The following CACNA2D2 variants were observed in gnomAD, a reference collection of about 807,000 sequenced individuals.
CACNA2D2 encodes the protein voltage-dependent calcium channel subunit alpha-2/delta-2.
In CACNA2D2, 48 loss-of-function variants were observed where a neutral mutation model predicts 166.4. The ratio of observed to expected loss-of-function variants is 0.29; its 90% confidence interval spans 0.23 to 0.37. The LOEUF is 0.37. CACNA2D2 is among the 10% of genes least tolerant of loss of function. CACNA2D2 has a pLI of 1.00. For synonymous variants in CACNA2D2, 561 were observed against 573.7 expected (o/e 0.98, Z 0.32); for missense variants, 1,122 against 1,433.0 (o/e 0.78, Z 3.50).
intron 2 of CACNA2D2, among the ~76,000 whole-genome samples, chr3:50,457,363 A>T (rs1319396714): frequency 6.6e-6 from 1 of 152,226 alleles, no homozygotes; most frequent in Non-Finnish European, 1.5e-5. Flanking sequence ...GTTGGAACTG[A>T]GGCTTCCTTT....
rs144477757 is a variant in CACNA2D2, at chr3:50,465,639, A to T, written c.288+10479T>A. ...TGCTGATGGGGAGGCGCACAGGGCTATGGGAGCTGGGGAGCATGGGGGACC... is the reference window on the plus strand; with the variant it reads ...TGCTGATGGGGAGGCGCACAGGGCTTTGGGAGCTGGGGAGCATGGGGGACC... On this transcript the variant is annotated intron_variant, in intron 2 of 37. Transcript: ENST00000424201. 7.6e-4 allele frequency among the ~76,000 whole-genome samples: 116 copies of T among 152,290 alleles called. 1 individual carries two copies. The Middle Eastern group carries it at 0.02, about 27-fold the overall frequency.
chr3:50,412,996 C>G (rs1344583944), intron 3 of CACNA2D2, among the ~76,000 whole-genome samples: 1 of 152,184 alleles, frequency 6.6e-6, no homozygotes, highest in Non-Finnish European at 1.5e-5. Flanking sequence ...TCTCCATCTT[C>G]CCTCACCTGG....
intron 2 of CACNA2D2, among the ~76,000 whole-genome samples, chr3:50,450,366 C>G (rs1178044328): frequency 6.6e-6 from 1 of 150,490 alleles, no homozygotes; most frequent in Non-Finnish European, 1.5e-5. Flanking sequence ...GCCCCCGCCC[C>G]GTGTAAACAG....
chr3:50,376,776 C>A lies in CACNA2D2; in HGVS notation c.1627-588G>T, dbSNP rs911138564. On this transcript the variant is annotated intron_variant, in intron 17 of 37. Transcript: ENST00000424201. The surrounding 1 kb of genome is among the most constrained non-coding windows in gnomAD (Gnocchi z 4.3). ...AGCAGAGGCTTCAGGGGGGCTCAGG[C>A]TTAATGATGCTGTTGTACATACCAC... Among the ~76,000 whole-genome samples the A allele has an allele frequency of 6.6e-6, 1 of 152,210 alleles. No homozygotes were observed. Among genetic ancestry groups the A allele is most frequent in the Non-Finnish European group, 1.5e-5 (1 of 68,026 alleles).
chr3:50,481,630 C>A (rs1575759365), intron 1 of CACNA2D2, among the ~76,000 whole-genome samples: 1 of 152,070 alleles, frequency 6.6e-6, no homozygotes, highest in Non-Finnish European at 1.5e-5. Context: ...AATGGCGGGG[C>A]CCCACGTCTC....
intron 2 of CACNA2D2, among the ~76,000 whole-genome samples, chr3:50,457,490 C>A (rs1486006945): frequency 6.6e-6 from 1 of 152,204 alleles, no homozygotes; most frequent in Non-Finnish European, 1.5e-5. Context: ...CACCCTCTCT[C>A]AGGGGCCAAT....
At chr3:50,489,924 T>C (rs186705612) in intron 1 of CACNA2D2, among the ~76,000 whole-genome samples, 9 of 148,830 alleles carry the variant, frequency 6.0e-5, no homozygotes, top group African/African-American at 1.6e-4. Context: ...CTTCACTGTT[T>C]ATCTCCCCCA....
rs1199705569 is a variant in CACNA2D2, at chr3:50,375,746, A to G, written c.1846-41T>C. 2 of 1,612,856 alleles carry G rather than the reference A, an allele frequency of 1.2e-6. No homozygotes were observed. Among genetic ancestry groups the G allele is most frequent in the East Asian group, 4.5e-5 (2 of 44,900 alleles). ...GGGTCAGGTACTTGGGCTAGCAGGCAGGGGGCGCTGGGGTAGAAGGGTGCC... is the reference window on the plus strand; with the variant it reads ...GGGTCAGGTACTTGGGCTAGCAGGCGGGGGGCGCTGGGGTAGAAGGGTGCC... On this transcript the variant is annotated intron_variant, in intron 20 of 37. Coordinates refer to ENST00000424201, the MANE Select transcript of CACNA2D2 (RefSeq NM_006030.4). The surrounding 1 kb of genome is among the most constrained non-coding windows in gnomAD (Gnocchi z 4.0).
At chr3:50,420,624 G>A (rs912476827) in intron 3 of CACNA2D2, among the ~76,000 whole-genome samples, 1 of 152,176 alleles carries the variant, frequency 6.6e-6, no homozygotes, top group Middle Eastern at 3.2e-3. Context: ...AGGGTGGAGA[G>A]TGGGAGGGTG....
chr3:50,372,793 C>T, intron 22 of CACNA2D2, among the ~76,000 whole-genome samples: 1 of 151,858 alleles, frequency 6.6e-6, no homozygotes, highest in South Asian at 2.1e-4. Flanking sequence ...AGGGGCCTCC[C>T]CAGAGAGAGT....
At chr3:50,431,542 C>T (rs1708064730) in intron 3 of CACNA2D2, among the ~76,000 whole-genome samples, 1 of 152,180 alleles carries the variant, frequency 6.6e-6, no homozygotes, top group Admixed American at 6.5e-5. Flanking sequence ...TGATGCATGG[C>T]ACCTCTGAGT....
rs1426245010 is a variant in CACNA2D2, at chr3:50,427,198, T to C, written c.405+7115A>G. ...GGTCGCTCTGCCACCGCATGCTCCCTGGTTTCTCCTAGCGTTCACCACCAA... is the reference window on the plus strand; with the variant it reads ...GGTCGCTCTGCCACCGCATGCTCCCCGGTTTCTCCTAGCGTTCACCACCAA... On this transcript the variant is annotated intron_variant, in intron 3 of 37. Coordinates refer to ENST00000424201, the MANE Select transcript of CACNA2D2 (RefSeq NM_006030.4). The surrounding 1 kb of genome is among the most constrained non-coding windows in gnomAD (Gnocchi z 4.7). Among the ~76,000 whole-genome samples the C allele has an allele frequency of 6.6e-6, 1 of 152,194 alleles. No individual in the cohort carries two copies. Among genetic ancestry groups the C allele is most frequent in the East Asian group, 1.9e-4 (1 of 5,190 alleles).
chr3:50,412,687 T>C (rs1309319461), intron 3 of CACNA2D2, among the ~76,000 whole-genome samples: 1 of 152,242 alleles, frequency 6.6e-6, no homozygotes, highest in Non-Finnish European at 1.5e-5. Context: ...ATTTCTATTT[T>C]ATTTTTTTAG....
chr3:50,382,291 C>T (rs1421545389), intron 6 of CACNA2D2, among the ~76,000 whole-genome samples: 1 of 152,172 alleles, frequency 6.6e-6, no homozygotes, highest in Non-Finnish European at 1.5e-5. Flanking sequence ...GGAGCCCAGC[C>T]ACCGTCACCC....
At chr3:50,441,056 T>C (rs12488468) in intron 2 of CACNA2D2, among the ~76,000 whole-genome samples, 4 of 147,916 alleles carry the variant, frequency 2.7e-5, no homozygotes, top group Non-Finnish European at 6.0e-5. Flanking sequence ...AGGGGCTTGT[T>C]GGGGGACAGA....
Position 50,365,124 on chromosome 3 carries a change from C to G in CACNA2D2, c.3159G>C (p.Pro1053=), listed in dbSNP as rs373592672. The change falls in exon 36 of 38, where the codon CCG becomes CCC. Residue 1053 remains proline, a synonymous_variant. Transcript: ENST00000424201. This position sits in a 1 kb window ranked among gnomAD's most constrained non-coding sequence, Gnocchi z 4.5. ...TNLLFVVAEK[P]LCSQCEAGRL... ...GGCCAGCCTCGCACTGGCTGCACAGCGGCTTCTCGGCCACCACAAAGAGAA... is the reference window on the plus strand; with the variant it reads ...GGCCAGCCTCGCACTGGCTGCACAGGGGCTTCTCGGCCACCACAAAGAGAA... 55 of 1,611,974 alleles carry G rather than the reference C, an allele frequency of 3.4e-5. No individual in the cohort carries two copies. Among genetic ancestry groups the G allele is most frequent in the Non-Finnish European group, 4.6e-5 (54 of 1,179,716 alleles).
chr3:50,458,806 G>A (rs1294000434), intron 2 of CACNA2D2, among the ~76,000 whole-genome samples: 1 of 152,246 alleles, frequency 6.6e-6, no homozygotes, highest in Admixed American at 6.5e-5. Context: ...TAGCAGCAAT[G>A]GGTTAATGCT....
Position 50,379,860 on chromosome 3 carries a change from G to C in CACNA2D2, c.894-36C>G, listed in dbSNP as rs1026681157. The stretch of plus-strand genomic sequence containing the variant: ...CAGGCAGGGGACGTGGAGGAGCCAG[G>C]GGAACCTCACGTGTTCTCCTGCCCA... On this transcript the variant is annotated intron_variant, in intron 9 of 37. Transcript: ENST00000424201. The surrounding 1 kb of genome is among the most constrained non-coding windows in gnomAD (Gnocchi z 6.5). 3 of 1,612,370 alleles carry C rather than the reference G, an allele frequency of 1.9e-6. No individual in the cohort carries two copies. The highest frequency in any genetic ancestry group is 2.5e-6 in the Non-Finnish European group (3 of 1,178,700).
Position 50,365,408 on chromosome 3 carries a change from C to T in CACNA2D2, c.3046G>A (p.Gly1016Ser), listed in dbSNP as rs1313240637. Reference protein sequence around the residue: ...CVMKQTQYYFGSVNASYNAII... With the variant: ...CVMKQTQYYFSSVNASYNAII... ...GCGTTGTAGGAGGCGTTTACCGAGC[C>T]GAAGTAGTACTGGGTCTGTTTCATG... Residue 1016 changes from glycine to serine, a missense_variant, in exon 35 of 38, where the codon GGC becomes AGC. Gly to Ser is a moderately conservative substitution (Grantham distance 56). This residue lies in a region of CACNA2D2 where 282 missense variants were observed against 266.2 expected (regional missense o/e 1.06). Coordinates refer to ENST00000424201, the MANE Select transcript of CACNA2D2 (RefSeq NM_006030.4). This position sits in a 1 kb window ranked among gnomAD's most constrained non-coding sequence, Gnocchi z 4.5. 4 of 1,613,594 alleles carry T rather than the reference C, an allele frequency of 2.5e-6. No individual in the cohort carries two copies. The highest frequency in any genetic ancestry group is 2.2e-5 in the East Asian group (1 of 44,860).
Sources: gnomAD v4.1 joint callset for allele counts (sites outside exome capture counted in the v4.1 genomes callset) on GRCh38, gnomAD v4.1.1 for gene constraint, gnomAD v4.1.1 regional missense constraint, Gnocchi (gnomAD v3.1) non-coding constraint, MANE v1.5 for transcripts, NCBI Gene and HGNC (gene_info 2026-07-23, HGNC 2026-07-21) for gene names.